The following KCTD16 variants were observed in gnomAD, a reference collection of about 807,000 sequenced individuals.
The protein encoded by KCTD16 is BTB/POZ domain-containing protein KCTD16.
In KCTD16, 13 loss-of-function variants were observed where a neutral mutation model predicts 33.2. That is an observed-to-expected ratio of 0.39 (90% CI 0.25 to 0.62). The LOEUF is 0.62. Ranked by LOEUF, KCTD16 falls within the 20% of genes least tolerant of loss-of-function variation. The pLI is 0.50. For missense variants in KCTD16, 441 were observed against 525.1 expected, an observed-to-expected ratio of 0.84 and a Z score of 1.57; for synonymous variants, 197 against 195.3, an observed-to-expected ratio of 1.01 and a Z score of -0.07.
intron 3 of KCTD16, among the ~76,000 whole-genome samples, chr5:144,455,620 C>T (rs1288883219): frequency 6.6e-6 from 1 of 152,030 alleles, no homozygotes; most frequent in African/African-American, 2.4e-5. Context: ...AGAGTTGGGA[C>T]TGAAGGATGG....
intron 3 of KCTD16, among the ~76,000 whole-genome samples, chr5:144,400,570 T>C (rs994967256): frequency 6.6e-6 from 1 of 152,144 alleles, no homozygotes; most frequent in Non-Finnish European, 1.5e-5. Context: ...ACATTTCATG[T>C]GGAAGGGACC....
intron 3 of KCTD16, among the ~76,000 whole-genome samples, chr5:144,223,940 T>A (rs1293841220): frequency 6.6e-6 from 1 of 151,940 alleles, no homozygotes; most frequent in Non-Finnish European, 1.5e-5. Flanking sequence ...GGGCTCAGCG[T>A]AGGTGTTTTT....
At chr5:144,376,856 G>A (rs569137260) in intron 3 of KCTD16, among the ~76,000 whole-genome samples, 1 of 152,288 alleles carries the variant, frequency 6.6e-6, no homozygotes, top group South Asian at 2.1e-4. Context: ...CACTAACACT[G>A]TAAAGATGAG....
chr5:144,233,492 C>A (rs1194328137), intron 3 of KCTD16, among the ~76,000 whole-genome samples: 1 of 152,260 alleles, frequency 6.6e-6, no homozygotes, highest in Middle Eastern at 3.4e-3. Flanking sequence ...AAAGAAATGT[C>A]TGAGAGTTGC....
chr5:144,255,660 C>T lies in KCTD16; in HGVS notation c.832+48114C>T, dbSNP rs56182601. On this transcript the variant is annotated intron_variant, in intron 3 of 3. Coordinates refer to ENST00000512467, the MANE Select transcript of KCTD16 (RefSeq NM_020768.4). ...CAAGTGCTTAGCCCATTTTCCCTGTCTAATTTTTGATATTGAGTAAAAGGC... is the reference window on the plus strand; with the variant it reads ...CAAGTGCTTAGCCCATTTTCCCTGTTTAATTTTTGATATTGAGTAAAAGGC... Among the ~76,000 whole-genome samples the T allele has an allele frequency of 1.9e-3, 288 of 152,202 alleles. 2 individuals are homozygous for T. Among genetic ancestry groups the T allele is most frequent in the African/African-American group, 6.5e-3 (268 of 41,512 alleles).
At chr5:144,315,889 A>T (rs921110286) in intron 3 of KCTD16, among the ~76,000 whole-genome samples, 3 of 152,216 alleles carry the variant, frequency 2.0e-5, no homozygotes, top group Non-Finnish European at 4.4e-5. Context: ...ATGTACATTC[A>T]TAAATTCATT....
At position 144,482,056 on chromosome 5, in the gene KCTD16, G is replaced by A. The variant is rs1279459499; in HGVS notation, c.*7942G>A. The stretch of plus-strand genomic sequence containing the variant: ...AGGCTCATAGCTAAAAAGTGGCAGA[G>A]CCAGATTTTCCTCTGAGTTTATTAG... On this transcript the variant is annotated 3_prime_UTR_variant, in exon 4 of 4. Coordinates refer to ENST00000512467, the MANE Select transcript of KCTD16 (RefSeq NM_020768.4). 1 of 151,908 alleles carries A rather than the reference G, an allele frequency of 6.6e-6. No individual in the cohort carries two copies. The highest frequency in any genetic ancestry group is 1.5e-5 in the Non-Finnish European group (1 of 67,940). The allele number at this position is 151,908 out of a possible 1,614,324, so 9.4% of individuals were successfully genotyped here.
At chr5:144,217,508 G>C (rs1317523527) in intron 3 of KCTD16, among the ~76,000 whole-genome samples, 6 of 151,980 alleles carry the variant, frequency 3.9e-5, no homozygotes, top group Non-Finnish European at 5.9e-5. Context: ...GGGTAATAAC[G>C]GATAATATAA....
Position 144,441,267 on chromosome 5 carries a change from T to C in KCTD16, c.833-32393T>C, listed in dbSNP as rs376636037. 2.4e-4 allele frequency among the ~76,000 whole-genome samples: 37 copies of C among 152,280 alleles called. No individual in the cohort carries two copies. The South Asian group carries it at 7.5e-3, about 31-fold the overall frequency. ...TGCAGCACAAAGTTGCTAATTTTGA[T>C]GCAGTTTATCTATTTTCTCATTCTG... On this transcript the variant is annotated intron_variant, in intron 3 of 3. Transcript: ENST00000512467.
chr5:144,428,128 T>C (rs1284143474), intron 3 of KCTD16, among the ~76,000 whole-genome samples: 2 of 152,128 alleles, frequency 1.3e-5, no homozygotes, highest in Non-Finnish European at 2.9e-5. Context: ...GACAAAGACT[T>C]AGTTGGCAAT....
chr5:144,232,736 GA>G (rs896826883), intron 3 of KCTD16, among the ~76,000 whole-genome samples: 3 of 152,086 alleles, frequency 2.0e-5, no homozygotes, highest in Non-Finnish European at 2.9e-5. Context: ...ATAACCACAT[GA>G]AAAAAGTAAA....
intron 3 of KCTD16, among the ~76,000 whole-genome samples, chr5:144,252,008 CA>C (rs1023438735): frequency 6.6e-6 from 1 of 152,036 alleles, no homozygotes; most frequent in Non-Finnish European, 1.5e-5. Context: ...TTAAGGAGTG[CA>C]ATGTGATGTT....
intron 3 of KCTD16, among the ~76,000 whole-genome samples, chr5:144,414,710 T>G (rs529852609): frequency 6.6e-6 from 1 of 152,238 alleles, no homozygotes; most frequent in East Asian, 1.9e-4. Flanking sequence ...CTGATCAGCA[T>G]CTACTTATGC....
chr5:144,292,522 AG>A (rs1215249159), intron 3 of KCTD16, among the ~76,000 whole-genome samples: 2 of 152,136 alleles, frequency 1.3e-5, no homozygotes, highest in African/African-American at 4.8e-5. Flanking sequence ...GTTAGAGGTG[AG>A]CCCTAGACGT....
chr5:144,450,775 G>A (rs543490071), intron 3 of KCTD16, among the ~76,000 whole-genome samples: 3 of 152,196 alleles, frequency 2.0e-5, no homozygotes, highest in South Asian at 4.1e-4. Context: ...GAATACAATG[G>A]TAGTTACTAG....
chr5:144,475,022 C>T lies in KCTD16; in HGVS notation c.*908C>T, dbSNP rs1194142132. 2 of 152,222 alleles carry T rather than the reference C, an allele frequency of 1.3e-5. No homozygotes were observed. Among genetic ancestry groups the T allele is most frequent in the South Asian group, 2.1e-4 (1 of 4,824 alleles). 9.4% of individuals were successfully genotyped at this position (152,222 alleles called of 1,614,324 possible). A position where few individuals can be genotyped will look rare whatever the true frequency, so the allele number is the denominator to read the frequency against. ...ATTTTCTGCTAAATGACTCCACACT[C>T]AGCCTTCTCTACCCTGAACTGAATT... is the stretch of plus-strand genomic sequence containing the variant. On this transcript the variant is annotated 3_prime_UTR_variant, in exon 4 of 4. Transcript: ENST00000512467.
At chr5:144,468,682 G>A (rs193091664) in intron 3 of KCTD16, among the ~76,000 whole-genome samples, 2 of 152,290 alleles carry the variant, frequency 1.3e-5, no homozygotes, top group East Asian at 1.9e-4. Context: ...CAGCAGCCTC[G>A]ATAAATTAAA....
chr5:144,248,356 T>G (rs1561542342), intron 3 of KCTD16, among the ~76,000 whole-genome samples: 1 of 152,180 alleles, frequency 6.6e-6, no homozygotes, highest in African/African-American at 2.4e-5. Flanking sequence ...AGCTGGCTCA[T>G]GGGCATGAGT....
chr5:144,379,607 T>C (rs1035321497), intron 3 of KCTD16, among the ~76,000 whole-genome samples: 1 of 152,194 alleles, frequency 6.6e-6, no homozygotes, highest in Admixed American at 6.5e-5. Flanking sequence ...GGTAACATCT[T>C]CAACAAGTTT....
Sources: allele counts gnomAD v4.1 joint callset (sites outside exome capture counted in the v4.1 genomes callset), GRCh38; gene constraint gnomAD v4.1.1; transcripts MANE v1.5; gene names NCBI Gene and HGNC (gene_info 2026-07-23, HGNC 2026-07-21).